MGAT4C: variants seen among roughly 807,000 people sequenced by gnomAD.
MGAT4C encodes MGAT4 family member C.
In MGAT4C, 19 loss-of-function variants were observed where a neutral mutation model predicts 40.1. The observed-to-expected ratio is 0.47, with a 90% CI of 0.33 to 0.70. MGAT4C has a LOEUF of 0.70. Ranked by LOEUF, MGAT4C falls within the 30% of genes least tolerant of loss-of-function variation. MGAT4C has a pLI of 0.02. For missense variants in MGAT4C, 491 were observed against 563.2 expected (o/e 0.87, Z 1.30); for synonymous variants, 181 against 187.1 (o/e 0.97, Z 0.27).
At chr12:86,459,295 G>A (rs1957556611) in intron 2 of MGAT4C, among the ~76,000 whole-genome samples, 1 of 152,068 alleles carries the variant, frequency 6.6e-6, no homozygotes, top group Non-Finnish European at 1.5e-5. Flanking sequence ...CAGAATCTGT[G>A]AATAGAATGG....
At chr12:86,581,535 A>C (rs546658741) in intron 2 of MGAT4C, among the ~76,000 whole-genome samples, 1 of 151,510 alleles carries the variant, frequency 6.6e-6, no homozygotes, top group African/African-American at 2.4e-5. Flanking sequence ...CTGCTTCTCC[A>C]CTTAGTGCTA....
At chr12:86,330,864 G>A (rs1439120852) in intron 4 of MGAT4C, among the ~76,000 whole-genome samples, 1 of 152,176 alleles carries the variant, frequency 6.6e-6, no homozygotes, top group Non-Finnish European at 1.5e-5. Flanking sequence ...AGATTGAAAT[G>A]TTACAAAAGG....
At position 86,203,403 on chromosome 12, in the gene MGAT4C, C is replaced by T. The variant is rs545795133; in HGVS notation, c.-57+52836G>A. On this transcript the variant is annotated intron_variant, in intron 1 of 4. Transcript: ENST00000611864. Reference sequence around the variant, plus strand: ...ACAGGAGCTATTGTCTACAAGGTAACAAGCAAAGTGCTCAGCATGAACATA... The same window carrying T: ...ACAGGAGCTATTGTCTACAAGGTAATAAGCAAAGTGCTCAGCATGAACATA... Among the ~76,000 whole-genome samples the T allele has an allele frequency of 3.9e-5, 6 of 152,184 alleles. No individual in the cohort carries two copies. In the South Asian group the frequency reaches 1.2e-3, roughly 32 times the overall value.
intron 2 of MGAT4C, among the ~76,000 whole-genome samples, chr12:86,547,587 C>G (rs899972468): frequency 6.6e-6 from 1 of 151,940 alleles, no homozygotes; most frequent in African/African-American, 2.4e-5. Context: ...AAGCTTGTAT[C>G]TGTTAGATGT....
At chr12:86,804,865 C>T (rs573162369) in intron 1 of MGAT4C, among the ~76,000 whole-genome samples, 5 of 116,980 alleles carry the variant, frequency 4.3e-5, no homozygotes, top group Admixed American at 1.6e-4. Flanking sequence ...CTATACTTGA[C>T]GAACTTTGGT....
chr12:86,224,989 T>C (rs1483012218), intron 1 of MGAT4C, among the ~76,000 whole-genome samples: 1 of 151,536 alleles, frequency 6.6e-6, no homozygotes, highest in Non-Finnish European at 1.5e-5. Flanking sequence ...CAAAAGATCA[T>C]AAAAATGAAA....
intron 1 of MGAT4C, among the ~76,000 whole-genome samples, chr12:86,179,980 T>A (rs1406873471): frequency 6.6e-6 from 1 of 152,208 alleles, no homozygotes. Context: ...GCAACCTTCA[T>A]GGCAGCCGCT....
At chr12:86,499,336 T>G (rs1056068772) in intron 2 of MGAT4C, among the ~76,000 whole-genome samples, 2 of 151,652 alleles carry the variant, frequency 1.3e-5, no homozygotes, top group Non-Finnish European at 2.9e-5. Flanking sequence ...ATATACATAC[T>G]CTATAATACA....
chr12:86,376,221 A>G (rs1461315569), intron 3 of MGAT4C, among the ~76,000 whole-genome samples: 4 of 148,178 alleles, frequency 2.7e-5, no homozygotes, highest in African/African-American at 9.8e-5. Flanking sequence ...CACATGTCAA[A>G]AAAAAAAAAA....
intron 1 of MGAT4C, among the ~76,000 whole-genome samples, chr12:86,247,256 C>A (rs1447876276): frequency 6.6e-6 from 1 of 152,188 alleles, no homozygotes; most frequent in Non-Finnish European, 1.5e-5. Flanking sequence ...AGAAAGTCCA[C>A]TCAAATTTTA....
At chr12:86,627,294 G>A (rs1189169010) in intron 2 of MGAT4C, among the ~76,000 whole-genome samples, 8 of 152,204 alleles carry the variant, frequency 5.3e-5, no homozygotes, top group Non-Finnish European at 1.2e-4. Context: ...TGGGGGCAGG[G>A]CATAGCTGAA....
At chr12:86,494,976 G>A (rs1376464088) in intron 2 of MGAT4C, among the ~76,000 whole-genome samples, 7 of 151,910 alleles carry the variant, frequency 4.6e-5, no homozygotes, top group Non-Finnish European at 5.9e-5. Flanking sequence ...TAATAAAACC[G>A]AAAATAAACA....
intron 1 of MGAT4C, among the ~76,000 whole-genome samples, chr12:86,785,206 CT>C (rs1593205059): frequency 6.6e-6 from 1 of 152,014 alleles, no homozygotes; most frequent in Non-Finnish European, 1.5e-5. Flanking sequence ...ATGTCTGCCT[CT>C]ATTTGCTGGA....
intron 1 of MGAT4C, among the ~76,000 whole-genome samples, chr12:86,171,588 A>C (rs1886854547): frequency 6.6e-6 from 1 of 152,182 alleles, no homozygotes; most frequent in Non-Finnish European, 1.5e-5. Context: ...TGAGGTTCAG[A>C]TAAACTAATG....
At position 86,599,913 on chromosome 12, in the gene MGAT4C, G is replaced by GT. The variant is rs368412921; in HGVS notation, c.-229+127295dup. On this transcript the variant is annotated intron_variant, in intron 2 of 7. Transcript: ENST00000548651. ...AGGTACCTCCATGAAGTACACAGTG[G>GT]TTTTTTTTTGTTTTGTTTTGTTTTG... is the stretch of plus-strand genomic sequence containing the variant. Among the ~76,000 whole-genome samples, 280 of 151,128 alleles carry GT rather than the reference G, an allele frequency of 1.9e-3. 1 individual carries two copies. The highest frequency in any genetic ancestry group is 4.0e-3 in the African/African-American group (166 of 41,230).
intron 3 of MGAT4C, among the ~76,000 whole-genome samples, chr12:86,419,547 T>C (rs1355446498): frequency 6.6e-6 from 1 of 152,076 alleles, no homozygotes; most frequent in Non-Finnish European, 1.5e-5. Context: ...AAGAGGCCTA[T>C]TCTGAATTCT....
chr12:86,064,652 G>A (rs938808264), intron 1 of MGAT4C, among the ~76,000 whole-genome samples: 1 of 152,034 alleles, frequency 6.6e-6, no homozygotes, highest in Non-Finnish European at 1.5e-5. Flanking sequence ...AAATTAAAAA[G>A]AACTAGAGAA....
At chr12:86,679,566 C>G (rs529309067) in intron 2 of MGAT4C, among the ~76,000 whole-genome samples, 1 of 152,008 alleles carries the variant, frequency 6.6e-6, no homozygotes, top group Middle Eastern at 3.4e-3. Flanking sequence ...AAAATCCTGT[C>G]CCCCAAGATG....
intron 1 of MGAT4C, among the ~76,000 whole-genome samples, chr12:86,728,823 C>A (rs1185898512): frequency 2.0e-5 from 3 of 152,270 alleles, no homozygotes; most frequent in African/African-American, 7.2e-5. Flanking sequence ...TGTATAGATA[C>A]CACTACATAA....
Sources: gnomAD v4.1 joint callset for allele counts (sites outside exome capture counted in the v4.1 genomes callset) on GRCh38, gnomAD v4.1.1 for gene constraint, MANE v1.5 for transcripts, NCBI Gene and HGNC (gene_info 2026-07-23, HGNC 2026-07-21) for gene names.